The following AIM2 variants were observed in gnomAD, a reference collection of about 807,000 sequenced individuals.
AIM2 encodes the protein interferon-inducible protein AIM2.
Under a neutral mutation model 27.7 loss-of-function variants are expected in AIM2, and 30 were observed. That is an observed-to-expected ratio of 1.08 (90% CI 0.81 to 1.47). The LOEUF (loss-of-function observed/expected upper bound fraction) is 1.47. AIM2 is among the 40% of genes most tolerant of loss of function. AIM2 has a pLI of 0.00. For missense variants in AIM2, 358 were observed against 411.3 expected (o/e 0.87, Z 1.12); for synonymous variants, 141 against 145.3 (o/e 0.97, Z 0.21).
intron 1 of AIM2, among the ~76,000 whole-genome samples, chr1:159,088,268 C>T (rs938121191): frequency 6.6e-6 from 1 of 152,170 alleles, no homozygotes; most frequent in Non-Finnish European, 1.5e-5. Context: ...TTGGATCCTA[C>T]ATCTTCCTGA....
chr1:159,090,051 G>A (rs938366639), intron 1 of AIM2, among the ~76,000 whole-genome samples: 4 of 152,152 alleles, frequency 2.6e-5, no homozygotes, highest in Admixed American at 1.3e-4. Context: ...CTATGAGGAG[G>A]TTCAAGGTCA....
At chr1:159,115,004 T>A (rs1486580894) in intron 1 of AIM2, among the ~76,000 whole-genome samples, 1 of 152,172 alleles carries the variant, frequency 6.6e-6, no homozygotes, top group Non-Finnish European at 1.5e-5. Flanking sequence ...ACAAAATCAA[T>A]GTACAAAAAT....
downstream of AIM2, among the ~76,000 whole-genome samples, chr1:159,061,158 T>G (rs1253240418): frequency 1.3e-5 from 2 of 152,226 alleles, no homozygotes; most frequent in Non-Finnish European, 2.9e-5. Flanking sequence ...TTTCCAAATC[T>G]TTGTCAGCAC....
chr1:159,090,065 C>G (rs915670328), intron 1 of AIM2, among the ~76,000 whole-genome samples: 3 of 152,176 alleles, frequency 2.0e-5, no homozygotes, highest in African/African-American at 7.2e-5. Context: ...AAGGTCACAG[C>G]CTTCTTGCCT....
At chr1:159,133,067 C>T (rs923574045) in intron 1 of AIM2, among the ~76,000 whole-genome samples, 4 of 152,190 alleles carry the variant, frequency 2.6e-5, no homozygotes, top group African/African-American at 7.2e-5. Context: ...CCAAGGGTCA[C>T]GGAGGAGCTG....
At chr1:159,139,235 C>T (rs931293695) in intron 1 of AIM2, among the ~76,000 whole-genome samples, 55 of 152,302 alleles carry the variant, frequency 3.6e-4, no homozygotes, top group African/African-American at 1.1e-3. Flanking sequence ...CACAGAGGGA[C>T]CACATGCTCT....
intron 1 of AIM2, among the ~76,000 whole-genome samples, chr1:159,114,110 C>T (rs1171224311): frequency 6.6e-6 from 1 of 152,014 alleles, no homozygotes; most frequent in East Asian, 1.9e-4. Context: ...CCTTTGTTTC[C>T]CAGATTTCAA....
chr1:159,107,034 T>C (rs1043336997), intron 1 of AIM2, among the ~76,000 whole-genome samples: 1 of 152,268 alleles, frequency 6.6e-6, no homozygotes. Flanking sequence ...CCAGAGATCA[T>C]GAAGACCTAC....
At chr1:159,117,273 G>C (rs1647383483) in intron 1 of AIM2, among the ~76,000 whole-genome samples, 1 of 152,106 alleles carries the variant, frequency 6.6e-6, no homozygotes, top group South Asian at 2.1e-4. Flanking sequence ...TCGACAAAAA[G>C]TTCACAAAGA....
At chr1:159,112,526 C>T (rs544926184) in intron 1 of AIM2, among the ~76,000 whole-genome samples, 1 of 152,032 alleles carries the variant, frequency 6.6e-6, no homozygotes, top group Non-Finnish European at 1.5e-5. Context: ...ATTCAAGTAG[C>T]CAAAAAGGCA....
chr1:159,085,189 C>A (rs1271307946), intron 1 of AIM2, among the ~76,000 whole-genome samples: 1 of 152,118 alleles, frequency 6.6e-6, no homozygotes, highest in Non-Finnish European at 1.5e-5. Context: ...ATCAAGCCTC[C>A]CTTGGAAGCA....
intron 1 of AIM2, among the ~76,000 whole-genome samples, chr1:159,109,253 CA>C (rs1453103726): frequency 6.6e-6 from 1 of 152,010 alleles, no homozygotes; most frequent in African/African-American, 2.4e-5. Flanking sequence ...GAAATAAACC[CA>C]AATACTTACA....
intron 1 of AIM2, among the ~76,000 whole-genome samples, chr1:159,137,848 G>A (rs182798129): frequency 7.6e-4 from 116 of 152,260 alleles, no homozygotes; most frequent in African/African-American, 2.6e-3. Context: ...TCACCAGTCT[G>A]GAAAACCAGG....
chr1:159,059,264 C>T (rs1307599404), downstream of AIM2, among the ~76,000 whole-genome samples: 1 of 151,530 alleles, frequency 6.6e-6, no homozygotes, highest in East Asian at 1.9e-4. Context: ...CACACACACA[C>T]ACCAAACACA....
At chr1:159,057,776 AAAAC>A (rs981986708), downstream of AIM2, among the ~76,000 whole-genome samples, 48 of 152,338 alleles carry the variant, frequency 3.2e-4, no homozygotes, top group East Asian at 5.8e-4. Flanking sequence ...ATTTTTGGAA[AAAAC>A]AAACAAAAAA....
chr1:159,109,740 G>A (rs757927490), intron 1 of AIM2, among the ~76,000 whole-genome samples: 5 of 151,856 alleles, frequency 3.3e-5, no homozygotes, highest in Non-Finnish European at 7.4e-5. Context: ...TCAAAAAGTG[G>A]GATAAGGATA....
intron 5 of AIM2, among the ~76,000 whole-genome samples, chr1:159,063,192 G>GA (rs2101960159): frequency 6.6e-6 from 1 of 152,284 alleles, no homozygotes; most frequent in South Asian, 2.1e-4. Flanking sequence ...TGACTTTTCC[G>GA]ACTCTGGGCA....
At chr1:159,131,366 C>T (rs1647869123) in intron 1 of AIM2, among the ~76,000 whole-genome samples, 2 of 152,142 alleles carry the variant, frequency 1.3e-5, no homozygotes, top group Non-Finnish European at 1.5e-5. Flanking sequence ...TATATGTATA[C>T]ATATGTGTGT....
intron 1 of AIM2, among the ~76,000 whole-genome samples, chr1:159,111,880 A>G (rs990051888): frequency 4.0e-5 from 6 of 150,266 alleles, no homozygotes; most frequent in Non-Finnish European, 8.9e-5. Flanking sequence ...CTATCTATCT[A>G]TCTATACATA....
Sources: allele counts gnomAD v4.1 joint callset (sites outside exome capture counted in the v4.1 genomes callset), GRCh38; gene constraint gnomAD v4.1.1; transcripts MANE v1.5; gene names NCBI Gene and HGNC (gene_info 2026-07-23, HGNC 2026-07-21).